RANBP9: variants seen among roughly 807,000 people sequenced by gnomAD.
RANBP9 encodes the protein ran-binding protein 9.
Under a neutral mutation model 84.3 loss-of-function variants are expected in RANBP9, and 15 were observed. The observed-to-expected ratio is 0.18, with a 90% CI of 0.12 to 0.27. The LOEUF is 0.27. Among genes scored for constraint, RANBP9 ranks in the 10% least tolerant of loss-of-function variants. The pLI is 1.00. For synonymous variants in RANBP9, 392 were observed against 349.6 expected (o/e 1.12, Z -1.35); for missense variants, 809 against 912.8 (o/e 0.89, Z 1.46).
intron 4 of RANBP9, among the ~76,000 whole-genome samples, 195 bp downstream of exon 4, chr6:13,656,914 T>C (rs1219753204): frequency 6.6e-6 from 1 of 152,174 alleles, no homozygotes; most frequent in East Asian, 1.9e-4. Flanking sequence ...ATTATATAGA[T>C]GGCCTTCACA....
rs1766384200 is a variant in RANBP9 at position 13,693,981 on chromosome 6, T to A, written c.683+2804A>T. 2.6e-5 allele frequency among the ~76,000 whole-genome samples: 4 copies of A among 151,974 alleles called. No homozygotes were observed. The South Asian group carries it at 8.3e-4, about 32-fold the overall frequency. ...TTGCTTGAACCCGGGAGGCAGAGGTTGCAGTGAGCCAAGACTGCACCACTG... is the reference window on the plus strand; with the variant it reads ...TTGCTTGAACCCGGGAGGCAGAGGTAGCAGTGAGCCAAGACTGCACCACTG... On this transcript the variant is annotated intron_variant, in intron 2 of 13. Coordinates refer to ENST00000011619, the MANE Select transcript of RANBP9 (RefSeq NM_005493.3).
At chr6:13,639,102 A>G (rs931140411) in intron 9 of RANBP9, among the ~76,000 whole-genome samples, 3 of 152,204 alleles carry the variant, frequency 2.0e-5, no homozygotes, top group African/African-American at 7.2e-5. Context: ...GGTACTGAGA[A>G]CATGTCAATC....
At chr6:13,691,205 A>G (rs1024892197) in intron 2 of RANBP9, among the ~76,000 whole-genome samples, 3 of 151,768 alleles carry the variant, frequency 2.0e-5, no homozygotes, top group African/African-American at 7.3e-5. Context: ...AAGTGATTTA[A>G]TTTTTCTTGT....
At chr6:13,628,778 T>C (rs187043616) in intron 12 of RANBP9, among the ~76,000 whole-genome samples, 24 of 152,288 alleles carry the variant, frequency 1.6e-4, no homozygotes, top group Admixed American at 5.2e-4. Flanking sequence ...ACCAAAGAAA[T>C]GCAAATAAGC....
chr6:13,634,921 C>A (rs892659327), intron 10 of RANBP9, among the ~76,000 whole-genome samples: 1 of 152,176 alleles, frequency 6.6e-6, no homozygotes. Context: ...GCCCTCTCCC[C>A]CTACCCCCAG....
intron 1 of RANBP9, among the ~76,000 whole-genome samples, chr6:13,708,328 AG>A (rs1758179374): frequency 1.3e-5 from 2 of 152,222 alleles, no homozygotes; most frequent in South Asian, 4.1e-4. Flanking sequence ...TGGGAGATGG[AG>A]GCAGGGGGAT....
chr6:13,663,970 A>G (rs1002440323), intron 2 of RANBP9, among the ~76,000 whole-genome samples: 1 of 152,130 alleles, frequency 6.6e-6, no homozygotes, highest in Non-Finnish European at 1.5e-5. Flanking sequence ...CCAACAAAAA[A>G]GCAAGAAGGC....
At chr6:13,702,187 A>C (rs926824699) in intron 1 of RANBP9, among the ~76,000 whole-genome samples, 2 of 152,190 alleles carry the variant, frequency 1.3e-5, no homozygotes, top group African/African-American at 4.8e-5. Flanking sequence ...TCATGCCTGT[A>C]ATCCCAGCAC....
At chr6:13,655,743 C>G (rs1765383118) in intron 4 of RANBP9, among the ~76,000 whole-genome samples, 1 of 152,054 alleles carries the variant, frequency 6.6e-6, no homozygotes, top group Non-Finnish European at 1.5e-5. Context: ...GGTTTTTGAG[C>G]CAAAGGTCAC....
At chr6:13,641,030 A>T (rs910821969) in intron 8 of RANBP9, among the ~76,000 whole-genome samples, 169 bp downstream of exon 8, 13 of 152,174 alleles carry the variant, frequency 8.5e-5, no homozygotes, top group African/African-American at 2.9e-4. Context: ...ATGGTCCTTA[A>T]CACAAAAGTA....
intron 5 of RANBP9, among the ~76,000 whole-genome samples, chr6:13,648,712 T>A (rs1361121872): frequency 6.6e-6 from 1 of 152,194 alleles, no homozygotes; most frequent in Admixed American, 6.5e-5. Context: ...TCGATCTCTT[T>A]TAATAAAAAT....
chr6:13,695,234 T>A (rs1766413003), intron 2 of RANBP9, among the ~76,000 whole-genome samples: 1 of 151,950 alleles, frequency 6.6e-6, no homozygotes. Context: ...TAGACTAGAA[T>A]AAGAGCAAAA....
intron 10 of RANBP9, among the ~76,000 whole-genome samples, chr6:13,636,886 T>C (rs1764952040): frequency 6.6e-6 from 1 of 152,202 alleles, no homozygotes; most frequent in Non-Finnish European, 1.5e-5. Context: ...CAATCCTTTC[T>C]GCAAAATCAT....
intron 1 of RANBP9, among the ~76,000 whole-genome samples, chr6:13,710,527 T>C (rs1758248538): frequency 6.6e-6 from 1 of 152,038 alleles, no homozygotes; most frequent in Non-Finnish European, 1.5e-5. Flanking sequence ...TCCCCCCTTG[T>C]AAGAGGAGAA....
At chr6:13,694,204 T>TAC (rs1766388947) in intron 2 of RANBP9, among the ~76,000 whole-genome samples, 1 of 152,310 alleles carries the variant, frequency 6.6e-6, no homozygotes, top group African/African-American at 2.4e-5. Flanking sequence ...AACTTATGTT[T>TAC]ACACAAAAAC....
intron 13 of RANBP9, among the ~76,000 whole-genome samples, chr6:13,624,074 G>A (rs1764532996): frequency 6.6e-6 from 1 of 152,144 alleles, no homozygotes. Context: ...TACCAACGGA[G>A]CTAAATGAAT....
chr6:13,663,893 C>T (rs1765588899), intron 2 of RANBP9, among the ~76,000 whole-genome samples: 1 of 152,072 alleles, frequency 6.6e-6, no homozygotes, highest in African/African-American at 2.4e-5. Context: ...CTTCCTCAAC[C>T]TGTACCTACA....
chr6:13,661,798 A>G (rs1405708762), intron 2 of RANBP9, among the ~76,000 whole-genome samples: 3 of 152,196 alleles, frequency 2.0e-5, no homozygotes, highest in African/African-American at 7.2e-5. Context: ...TAGAATATCA[A>G]TCACGGGCAT....
intron 2 of RANBP9, among the ~76,000 whole-genome samples, chr6:13,694,433 C>T (rs1766395202): frequency 6.6e-6 from 1 of 152,130 alleles, no homozygotes; most frequent in Admixed American, 6.5e-5. Context: ...CATTTATATG[C>T]CATTCTTGAA....
Sources: allele counts gnomAD v4.1 joint callset (sites outside exome capture counted in the v4.1 genomes callset), GRCh38; gene constraint gnomAD v4.1.1; transcripts MANE v1.5; gene names NCBI Gene and HGNC (gene_info 2026-07-23, HGNC 2026-07-21).